Variants in RIMBP2 observed in about 807,000 individuals in gnomAD.
The protein encoded by RIMBP2 is RIMS binding protein 2, also known as RIMS-binding protein 2.
RIMBP2 carries 48 observed loss-of-function variants against 118.6 expected under a neutral mutation model. That is an observed-to-expected ratio of 0.40 (90% CI 0.32 to 0.51). The LOEUF (loss-of-function observed/expected upper bound fraction) is 0.51, where lower values mean the gene tolerates loss of function less well. Ranked by LOEUF, RIMBP2 falls within the 20% of genes least tolerant of loss-of-function variation. The probability of loss-of-function intolerance (pLI) is 0.41; values close to 1 mark genes in which losing one functional copy is unlikely to be tolerated. For missense variants in RIMBP2, 1,551 were observed against 1,768.3 expected (o/e 0.88, Z 2.20); for synonymous variants, 762 against 742.9 (o/e 1.03, Z -0.42).
At chr12:130,674,489 TGCACCTGG>T (rs988675582) in intron 1 of RIMBP2, among the ~76,000 whole-genome samples, 10 of 152,266 alleles carry the variant, frequency 6.6e-5, no homozygotes, top group African/African-American at 2.2e-4. Flanking sequence ...GACACCTGTG[TGCACCTGG>T]GCACCTGGGC....
Position 130,684,400 on chromosome 12 carries a change from G to T in RIMBP2, c.-352+31822C>A, listed in dbSNP as rs2064949990. Among the ~76,000 whole-genome samples, 3 of 152,178 alleles carry T rather than the reference G, an allele frequency of 2.0e-5. No homozygotes were observed. In the South Asian group the frequency reaches 6.2e-4, roughly 32 times the overall value. On this transcript the variant is annotated intron_variant, in intron 1 of 22. Coordinates refer to ENST00000690449, the MANE Select transcript of RIMBP2 (RefSeq NM_001393629.1). ...TCCTGAGGGCCGTGTCACAGGCCAG[G>T]GTCACTCATATTTGGCTCAGAATAA...
At chr12:130,705,378 C>T (rs11061099) in intron 1 of RIMBP2, among the ~76,000 whole-genome samples, 36,459 of 152,138 alleles carry the variant, frequency 0.24, 4,705 homozygotes, top group South Asian at 0.38. Context: ...GCCGCACCAC[C>T]GCCCTGTGCT....
At chr12:130,441,785 A>T in intron 11 of RIMBP2, 63 bp downstream of exon 11, 1 of 1,447,332 alleles carries the variant, frequency 6.9e-7, no homozygotes, top group Non-Finnish European at 9.5e-7. Context: ...TTCCCTCCCC[A>T]CTAGCAGGGT....
At chr12:130,491,299 T>C (rs1355430046) in intron 4 of RIMBP2, among the ~76,000 whole-genome samples, 1 of 152,192 alleles carries the variant, frequency 6.6e-6, no homozygotes, top group Non-Finnish European at 1.5e-5. Flanking sequence ...TTTGCCCAGC[T>C]AGGCCAGGCT....
chr12:130,686,417 C>A (rs1251894062), intron 1 of RIMBP2, among the ~76,000 whole-genome samples: 4 of 152,224 alleles, frequency 2.6e-5, no homozygotes, highest in African/African-American at 9.6e-5. Context: ...GAAGCGCGGC[C>A]CAGACAGAAA....
At chr12:130,604,765 G>GTTTTTTTTTT (rs1361476828) in intron 2 of RIMBP2, among the ~76,000 whole-genome samples, 3 of 89,182 alleles carry the variant, frequency 3.4e-5, no homozygotes, top group Non-Finnish European at 7.7e-5. Flanking sequence ...GTATTTTTTA[G>GTTTTTTTTTT]TAGAGACGGG....
rs937473866 is a variant in RIMBP2, at chr12:130,420,528, T to A, written c.3238+1925A>T. On this transcript the variant is annotated intron_variant, in intron 17 of 22. Coordinates refer to ENST00000690449, the MANE Select transcript of RIMBP2 (RefSeq NM_001393629.1). This position sits in a 1 kb window ranked among gnomAD's most constrained non-coding sequence, Gnocchi z 4.3. ...TCCAACCACATTCATCAAAAGTAGT[T>A]TCATTTGGGAAGGGTTTTTATGATA... Among the ~76,000 whole-genome samples the A allele has an allele frequency of 7.2e-5, 11 of 152,140 alleles. No homozygotes were observed. Among genetic ancestry groups the A allele is most frequent in the Non-Finnish European group, 1.3e-4 (9 of 68,036 alleles).
At chr12:130,577,808 C>G (rs2058192614) in intron 2 of RIMBP2, among the ~76,000 whole-genome samples, 1 of 152,098 alleles carries the variant, frequency 6.6e-6, no homozygotes, top group African/African-American at 2.4e-5. Flanking sequence ...GAAATTCAAT[C>G]CCTCCCCACC....
intron 4 of RIMBP2, among the ~76,000 whole-genome samples, chr12:130,487,132 T>A (rs2082558879): frequency 6.6e-6 from 1 of 152,212 alleles, no homozygotes; most frequent in Non-Finnish European, 1.5e-5. Context: ...AGTTCCATGA[T>A]CACGTCAAGG....
chr12:130,693,578 G>T (rs1313717819), intron 1 of RIMBP2, among the ~76,000 whole-genome samples: 1 of 152,176 alleles, frequency 6.6e-6, no homozygotes, highest in African/African-American at 2.4e-5. Context: ...ACTGGGAGAG[G>T]AGAGCAGGTG....
At chr12:130,526,060 C>A (rs767396157) in intron 2 of RIMBP2, among the ~76,000 whole-genome samples, 2 of 151,998 alleles carry the variant, frequency 1.3e-5, no homozygotes, top group African/African-American at 2.4e-5. Flanking sequence ...GGTCCCAAGG[C>A]CCAGAGGAAG....
chr12:130,401,505 G>T (rs533351523), intron 21 of RIMBP2, among the ~76,000 whole-genome samples: 55 of 151,920 alleles, frequency 3.6e-4, no homozygotes, highest in African/African-American at 1.3e-3. Flanking sequence ...GTTCAGCAAC[G>T]CTGCCAGGTG....
intron 1 of RIMBP2, among the ~76,000 whole-genome samples, chr12:130,640,659 C>T (rs926902876): frequency 3.9e-5 from 6 of 152,162 alleles, no homozygotes; most frequent in South Asian, 2.1e-4. Flanking sequence ...ACACCACGGC[C>T]GGCCCAGAGG....
chr12:130,701,989 C>T (rs1375222478), intron 1 of RIMBP2, among the ~76,000 whole-genome samples: 3 of 152,074 alleles, frequency 2.0e-5, no homozygotes, highest in African/African-American at 4.8e-5. Context: ...TAATGCGGCA[C>T]GAAAGAGGCC....
chr12:130,458,604 C>A (rs1293671748), intron 6 of RIMBP2, among the ~76,000 whole-genome samples: 1 of 152,228 alleles, frequency 6.6e-6, no homozygotes, highest in Non-Finnish European at 1.5e-5. Flanking sequence ...AGCCAACGAA[C>A]CCCCAGGCAC....
At chr12:130,566,216 A>C (rs2057209491) in intron 2 of RIMBP2, among the ~76,000 whole-genome samples, 1 of 152,040 alleles carries the variant, frequency 6.6e-6, no homozygotes, top group Middle Eastern at 3.2e-3. Context: ...CAACAGTCCT[A>C]GCTTCTAAAA....
At chr12:130,676,282 GA>G (rs35374453) in intron 1 of RIMBP2, among the ~76,000 whole-genome samples, 3 of 146,642 alleles carry the variant, frequency 2.0e-5, no homozygotes, top group African/African-American at 7.6e-5. Context: ...CCCAAAATTG[GA>G]AAAAAAATCC....
chr12:130,613,755 A>G lies in RIMBP2; in HGVS notation c.-217+14567T>C, dbSNP rs576665295. On this transcript the variant is annotated intron_variant, in intron 2 of 22. Coordinates refer to ENST00000690449, the MANE Select transcript of RIMBP2 (RefSeq NM_001393629.1). ...CTTGAACCCAGGAGGCAGAGGCTGT[A>G]GTGAGCCAAGATCGCACCACTGCAC... 5.6e-5 allele frequency among the ~76,000 whole-genome samples: 8 copies of G among 142,750 alleles called. No homozygotes were observed. In the East Asian group the frequency reaches 1.3e-3, roughly 24 times the overall value. 93.6% of individuals were successfully genotyped at this position (142,750 alleles called of 152,430 possible). A position where few individuals can be genotyped will look rare whatever the true frequency, so the allele number is the denominator to read the frequency against.
intron 1 of RIMBP2, among the ~76,000 whole-genome samples, chr12:130,661,311 G>A (rs1241357334): frequency 1.3e-5 from 2 of 152,186 alleles, no homozygotes; most frequent in African/African-American, 4.8e-5. Flanking sequence ...TGGGCACAGT[G>A]ATTGGCTCAG....
Sources: gnomAD v4.1 joint callset for allele counts (sites outside exome capture counted in the v4.1 genomes callset) on GRCh38, gnomAD v4.1.1 for gene constraint, Gnocchi (gnomAD v3.1) non-coding constraint, MANE v1.5 for transcripts, NCBI Gene and HGNC (gene_info 2026-07-23, HGNC 2026-07-21) for gene names.